Variants in CEP128 observed in about 807,000 individuals in gnomAD.
The protein encoded by CEP128 is centrosomal protein 128.
Under a neutral mutation model 156.7 loss-of-function variants are expected in CEP128, and 132 were observed. The ratio of observed to expected loss-of-function variants is 0.84; its 90% confidence interval spans 0.73 to 0.97. The LOEUF (loss-of-function observed/expected upper bound fraction) is 0.97, where lower values mean the gene tolerates loss of function less well. CEP128 is among the 50% of genes least tolerant of loss of function. CEP128 has a pLI of 0.00. For synonymous variants in CEP128, 469 were observed against 448.9 expected (o/e 1.04, Z -0.57); for missense variants, 1,252 against 1,281.9 (o/e 0.98, Z 0.36).
intron 15 of CEP128, among the ~76,000 whole-genome samples, chr14:80,784,422 G>C (rs950597947): frequency 6.6e-6 from 1 of 152,034 alleles, no homozygotes; most frequent in Non-Finnish European, 1.5e-5. Flanking sequence ...ATCCCAATTA[G>C]GCATTTACCC....
At chr14:80,581,987 T>C (rs1891612286) in intron 19 of CEP128, among the ~76,000 whole-genome samples, 1 of 152,126 alleles carries the variant, frequency 6.6e-6, no homozygotes, top group Admixed American at 6.5e-5. Flanking sequence ...ACTGAGGCTT[T>C]AAGAGGCCTC....
intron 19 of CEP128, among the ~76,000 whole-genome samples, chr14:80,701,255 A>G (rs1897064531): frequency 6.6e-6 from 1 of 152,240 alleles, no homozygotes; most frequent in Admixed American, 6.5e-5. Flanking sequence ...GAGGCAGCTG[A>G]GAGTGTAGCT....
intron 9 of CEP128, among the ~76,000 whole-genome samples, chr14:80,844,469 G>A (rs559948512): frequency 7.2e-5 from 11 of 152,144 alleles, no homozygotes; most frequent in African/African-American, 2.6e-4. Context: ...CATACTTGAG[G>A]GATATCAAAG....
At chr14:80,794,380 T>C (rs1228915797) in intron 13 of CEP128, among the ~76,000 whole-genome samples, 1 of 152,322 alleles carries the variant, frequency 6.6e-6, no homozygotes, top group East Asian at 1.9e-4. Flanking sequence ...AGGTTTGCAT[T>C]TGTCCAGTTT....
At chr14:80,528,021 C>T (rs748279647) in intron 22 of CEP128, among the ~76,000 whole-genome samples, 1 of 151,796 alleles carries the variant, frequency 6.6e-6, no homozygotes, top group Non-Finnish European at 1.5e-5. Flanking sequence ...AAAAAAAACA[C>T]GTACGGATTT....
At chr14:80,493,219 C>T (rs1401899402), downstream of CEP128, among the ~76,000 whole-genome samples, 1 of 152,154 alleles carries the variant, frequency 6.6e-6, no homozygotes, top group Non-Finnish European at 1.5e-5. Flanking sequence ...AGAGAGCATT[C>T]GTCCAGAGAA....
downstream of CEP128, among the ~76,000 whole-genome samples, chr14:80,489,062 C>A (rs1887238411): frequency 6.6e-6 from 1 of 151,238 alleles, no homozygotes; most frequent in Non-Finnish European, 1.5e-5. Context: ...TGCAGCACAC[C>A]AACCTGGCAC....
At chr14:80,508,660 G>T (rs1371494605) in intron 23 of CEP128, among the ~76,000 whole-genome samples, 1 of 152,012 alleles carries the variant, frequency 6.6e-6, no homozygotes, top group Admixed American at 6.5e-5. Flanking sequence ...TGAAATTACT[G>T]AATGATACAT....
intron 19 of CEP128, among the ~76,000 whole-genome samples, chr14:80,691,303 C>T (rs1896711691): frequency 6.6e-6 from 1 of 152,136 alleles, no homozygotes; most frequent in Non-Finnish European, 1.5e-5. Context: ...AGTCAATTAT[C>T]CTTTTAGCGA....
intron 19 of CEP128, among the ~76,000 whole-genome samples, chr14:80,683,856 C>T (rs1364136210): frequency 1.3e-5 from 2 of 151,990 alleles, no homozygotes; most frequent in East Asian, 3.9e-4. Flanking sequence ...AAAACTTGCT[C>T]CTGAATGACT....
intron 11 of CEP128, among the ~76,000 whole-genome samples, chr14:80,837,156 G>T (rs928530256): frequency 6.6e-6 from 1 of 151,914 alleles, no homozygotes; most frequent in Non-Finnish European, 1.5e-5. Context: ...AGCACCAATT[G>T]TCAGAATGTA....
intron 13 of CEP128, among the ~76,000 whole-genome samples, chr14:80,794,292 A>G (rs773265058): frequency 1.4e-4 from 21 of 152,230 alleles, no homozygotes; most frequent in Admixed American, 2.6e-4. Context: ...AATTTCCCTC[A>G]TGATTAAAAT....
chr14:80,905,689 T>C, intron 5 of CEP128: 1 of 298,738 alleles, frequency 3.3e-6, no homozygotes, highest in South Asian at 4.6e-5. Context: ...TTTTGATTCT[T>C]TGGCAGCAGA....
In CEP128 at chr14:80,708,742, T is replaced by G. The variant is rs143650846; in HGVS notation, c.2806+34333A>C. 1.6e-3 allele frequency among the ~76,000 whole-genome samples: 250 copies of G among 152,336 alleles called. 2 individuals are homozygous for G. Among genetic ancestry groups the G allele is most frequent in the African/African-American group, 5.5e-3 (228 of 41,592 alleles). On this transcript the variant is annotated intron_variant, in intron 19 of 24. Coordinates refer to ENST00000555265, the MANE Select transcript of CEP128 (RefSeq NM_152446.5). ...GTAAATTTAATCTGTAGCCACATTATAAAAGCATTTGCTTCCTATAGTATT... is the reference window on the plus strand; with the variant it reads ...GTAAATTTAATCTGTAGCCACATTAGAAAAGCATTTGCTTCCTATAGTATT...
rs1451276316 is a variant in CEP128 at position 80,842,923 on chromosome 14, C to T, written c.763-2155G>A. On this transcript the variant is annotated intron_variant, in intron 9 of 24. Transcript: ENST00000555265. ...GAGCCTTAATAGAGGGTCCCCGGGG[C>T]ACATTTAAATCTTTAATAACAACAA... Among the ~76,000 whole-genome samples the T allele has an allele frequency of 2.0e-5, 3 of 151,788 alleles. No individual in the cohort carries two copies. In the East Asian group the frequency reaches 5.8e-4, roughly 29 times the overall value.
intron 16 of CEP128, among the ~76,000 whole-genome samples, chr14:80,770,096 C>T (rs551129392): frequency 6.6e-6 from 1 of 152,274 alleles, no homozygotes; most frequent in East Asian, 1.9e-4. Context: ...AACATGTTTG[C>T]CTTCTCCTCT....
At chr14:80,502,653 C>T (rs1246937994) in intron 24 of CEP128, among the ~76,000 whole-genome samples, 2 of 151,980 alleles carry the variant, frequency 1.3e-5, no homozygotes, top group Non-Finnish European at 2.9e-5. Context: ...GTATTTTGCT[C>T]TTGTTAAATG....
intron 19 of CEP128, among the ~76,000 whole-genome samples, chr14:80,594,071 A>G (rs1221157034): frequency 2.6e-5 from 4 of 152,212 alleles, no homozygotes; most frequent in East Asian, 3.8e-4. Flanking sequence ...ACTTCAAACT[A>G]TACTACAAGG....
At chr14:80,580,110 C>T (rs1219458926) in intron 20 of CEP128, among the ~76,000 whole-genome samples, 1 of 152,188 alleles carries the variant, frequency 6.6e-6, no homozygotes, top group Admixed American at 6.5e-5. Flanking sequence ...ATACTGCCTT[C>T]ATTTCCTAAT....
Sources: gnomAD v4.1 joint callset for allele counts (sites outside exome capture counted in the v4.1 genomes callset) on GRCh38, gnomAD v4.1.1 for gene constraint, MANE v1.5 for transcripts, NCBI Gene and HGNC (gene_info 2026-07-23, HGNC 2026-07-21) for gene names.